CIDEB: variants seen among roughly 807,000 people sequenced by gnomAD.
CIDEB encodes cell death inducing DFFA like effector b, also known as lipid transferase CIDEB.
Under a neutral mutation model 22.4 loss-of-function variants are expected in CIDEB, and 27 were observed. The ratio of observed to expected loss-of-function variants is 1.21; its 90% CI spans 0.89 to 1.66. The LOEUF (loss-of-function observed/expected upper bound fraction) is 1.66, where lower values mean the gene tolerates loss of function less well. CIDEB is among the 40% of genes most tolerant of loss of function. CIDEB has a pLI of 0.00. For synonymous variants in CIDEB, 103 were observed against 109.5 expected (o/e 0.94, Z 0.37); for missense variants, 289 against 268.7 (o/e 1.08, Z -0.53).
chr14:24,306,076 C>T lies in CIDEB; in HGVS notation c.398G>A (p.Arg133Gln), dbSNP rs750018394. The T allele has an allele frequency of 1.9e-5, 31 of 1,614,034 alleles. No individual in the cohort carries two copies. The East Asian group carries it at 2.2e-4, about 12-fold the overall frequency. ...ERPKHSKDIA[R>Q]FTFDVYKQNP... ...TTGCTTGTACACGTCAAAGGTGAATCGGGCGATGTCCTTGCTGTGCTTGGG... is the reference window on the plus strand; with the variant it reads ...TTGCTTGTACACGTCAAAGGTGAATTGGGCGATGTCCTTGCTGTGCTTGGG... The change falls in exon 4 of 5, where the codon CGA becomes CAA. Residue 133 changes from arginine (R) to glutamine (Q), a missense_variant. Transcript: ENST00000554411.
chr14:24,306,607 C>G, intron 2 of CIDEB, 84 bp from the exon 3 acceptor site: 1 of 1,570,254 alleles, frequency 6.4e-7, no homozygotes, highest in South Asian at 1.1e-5. Flanking sequence ...TCAGTTGGCT[C>G]TAGACATTGG....
Position 24,306,131 on chromosome 14 carries a change from C to T in CIDEB, c.343G>A (p.Val115Met). ...TCCCGTCCCAGGCCATATGACAGCA[C>T]TCCACTCTGTAGGACACCCTTGTCA... ...GQSWSPTRSG[V>M]LSYGLGRERP... is the part of the protein sequence containing the mutation. The change falls in exon 4 of 5, where the codon GTG becomes ATG. Residue 115 changes from valine (V) to methionine (M), a missense_variant. By Grantham distance (21) the Val-to-Met change is conservative. Transcript: ENST00000554411. 5 of 1,613,454 alleles carry T rather than the reference C, an allele frequency of 3.1e-6. No homozygotes were observed. Among genetic ancestry groups the T allele is most frequent in the Non-Finnish European group, 4.2e-6 (5 of 1,179,682 alleles).
At position 24,307,879 on chromosome 14, in the gene CIDEB, C is replaced by T. The variant is rs1478921001; in HGVS notation, c.-21G>A. ...TCCATGGTGGACCGGAGAGTTCCTT[C>T]CCTGGAACTTCTGGGCTGGGTGGTT... On this transcript the variant is annotated 5_prime_UTR_variant, in exon 1 of 5. Coordinates refer to ENST00000554411, the MANE Select transcript of CIDEB (RefSeq NM_001393339.1). The T allele has an allele frequency of 1.9e-6, 3 of 1,577,282 alleles. No individual in the cohort carries two copies. The highest frequency in any genetic ancestry group is 2.6e-6 in the Non-Finnish European group (3 of 1,160,266).
upstream of CIDEB, chr14:24,310,624 G>C (rs758907529): frequency 6.0e-5 from 96 of 1,606,536 alleles, no homozygotes; most frequent in Non-Finnish European, 8.1e-5. Flanking sequence ...ACCCCTGAAC[G>C]CCCTCTGTGG....
rs2041472285 is a variant in CIDEB at position 24,305,571 on chromosome 14, G to A, written c.*62C>T. 2 of 1,550,954 alleles carry A rather than the reference G, an allele frequency of 1.3e-6. No individual in the cohort carries two copies. The highest frequency in any genetic ancestry group is 4.0e-5 in the Admixed American group (2 of 50,368). On this transcript the variant is annotated 3_prime_UTR_variant, in exon 5 of 5. Coordinates refer to ENST00000554411, the MANE Select transcript of CIDEB (RefSeq NM_001393339.1). The stretch of plus-strand genomic sequence containing the variant: ...CTGTCTGCAGGTCCTGAAATTTGAT[G>A]CTGTCATAGTCTTTGCAGTGGGTCG...
chr14:24,310,912 C>T (rs755992705), upstream of CIDEB: 1 of 1,589,198 alleles, frequency 6.3e-7, no homozygotes, highest in Non-Finnish European at 8.5e-7. Context: ...GCCTTCCTGA[C>T]CCGGCAGGCC....
Position 24,305,780 on chromosome 14 carries a change from C to T in CIDEB, c.528-15G>A, listed in dbSNP as rs756827920. On this transcript the variant is annotated splice_polypyrimidine_tract_variant and intron_variant, in intron 4 of 4. Coordinates refer to ENST00000554411, the MANE Select transcript of CIDEB (RefSeq NM_001393339.1). ...GAAGGAGCTCCCTGAATGGCAGAGA[C>T]AAGAGGAAATCAGATGATTTGGAAA... is the stretch of plus-strand genomic sequence containing the variant. 3 of 1,610,986 alleles carry T rather than the reference C, an allele frequency of 1.9e-6. No homozygotes were observed. Among genetic ancestry groups the T allele is most frequent in the South Asian group, 1.1e-5 (1 of 90,614 alleles).
upstream of CIDEB, chr14:24,310,560 TAAG>T (rs777392831): frequency 1.4e-5 from 17 of 1,227,092 alleles, no homozygotes; most frequent in South Asian, 3.6e-5. Context: ...TGCAGGGAAG[TAAG>T]GAGGAGGCAT....
chr14:24,311,024 C>T (rs1232418464), upstream of CIDEB: 4 of 1,583,504 alleles, frequency 2.5e-6, no homozygotes, highest in Non-Finnish European at 1.7e-6. Flanking sequence ...TGCAGCGCTG[C>T]CTCGCAGTCA....
chr14:24,306,596 A>G, intron 2 of CIDEB, 73 bp from the exon 3 acceptor site: 4 of 1,590,662 alleles, frequency 2.5e-6, no homozygotes, highest in Non-Finnish European at 3.4e-6. Context: ...CCCAACATCC[A>G]TCAGTTGGCT....
chr14:24,310,995 C>T, upstream of CIDEB: 17 of 1,588,530 alleles, frequency 1.1e-5, no homozygotes, highest in East Asian at 2.3e-5. Flanking sequence ...CAGCGTGCTG[C>T]TCACCGGCCT....
chr14:24,311,334 C>T (rs1566423785), upstream of CIDEB: 2 of 1,602,608 alleles, frequency 1.2e-6, no homozygotes, highest in East Asian at 2.2e-5. Flanking sequence ...GCGGGTGGGC[C>T]GGCTGGTGAG....
chr14:24,306,890 A>G (rs986361563), intron 2 of CIDEB: 2 of 322,182 alleles, frequency 6.2e-6, no homozygotes, highest in African/African-American at 4.2e-5. Flanking sequence ...AAGTGTTTTC[A>G]GTAATAGTGT....
Position 24,307,444 on chromosome 14 carries a change from A to G in CIDEB, c.113T>C (p.Phe38Ser). The G allele has an allele frequency of 6.2e-7, 1 of 1,613,942 alleles. No individual in the cohort carries two copies. The highest frequency in any genetic ancestry group is 8.5e-7 in the Non-Finnish European group (1 of 1,179,972). Residue 38 changes from phenylalanine (F) to serine (S), a missense_variant, in exon 2 of 5, where the codon TTC (phenylalanine) becomes TCC (serine). Transcript: ENST00000554411. The part of the protein sequence containing the change: ...WTSAPPPQRP[F>S]RVCDHKRTIR... ...GGTCCGCTTGTGATCACAGACACGG[A>G]AAGGTCGCTGGGGTGGTGGAGCTGA... is the stretch of plus-strand genomic sequence containing the variant.
At position 24,305,699 on chromosome 14, in the gene CIDEB, G is replaced by A. The variant is rs1287811600; in HGVS notation, c.594C>T (p.Ser198=). The change falls in exon 5 of 5, where the codon TCC becomes TCT. Residue 198 remains serine (S), a synonymous_variant. Transcript: ENST00000554411. ...CCCCCTCCACTGCATGACGAAGGGT[G>A]GAGGAAATTCCCAGCAACATATGGC... ...GLGHMLLGIS[S]TLRHAVEGAE... is the part of the protein sequence containing the mutation. 6.2e-7 allele frequency: 1 copy of A among 1,614,212 alleles called. No individual in the cohort carries two copies. Among genetic ancestry groups the A allele is most frequent in the South Asian group, 1.1e-5 (1 of 91,082 alleles).
At chr14:24,307,244 C>T in intron 2 of CIDEB, 127 bp downstream of exon 2, 1 of 1,066,010 alleles carries the variant, frequency 9.4e-7, no homozygotes, top group Non-Finnish European at 1.4e-6. Context: ...CACTCCGCTG[C>T]TTTTAGCCCT....
chr14:24,306,269 A>G (rs952268799), intron 3 of CIDEB, 105 bp downstream of exon 3: 3 of 1,545,900 alleles, frequency 1.9e-6, no homozygotes, highest in Admixed American at 3.4e-5. Flanking sequence ...CAATTCCACA[A>G]CTCCTCCTGC....
rs768036452 is a variant in CIDEB, at chr14:24,306,017, T to A, written c.457A>T (p.Lys153Ter). ...GAGTAGAGCCCGTAGAATGTGGCTT[T>A]GACATTCAGGCTGCCAAAGAGGTCT... ...PRDLFGSLNVKATFYGLYSMS... is the reference protein window; with the variant it reads ...PRDLFGSLNV The change falls in exon 4 of 5, where the codon AAA (lysine) becomes TAA (stop). Residue 153 changes from lysine (K) to a stop codon, truncating the protein, a stop_gained. Coordinates refer to ENST00000554411, the MANE Select transcript of CIDEB (RefSeq NM_001393339.1). LOFTEE classifies it high-confidence loss of function. The A allele has an allele frequency of 5.5e-5, 89 of 1,614,046 alleles. No individual in the cohort carries two copies. Among genetic ancestry groups the A allele is most frequent in the Admixed American group, 1.3e-4 (8 of 60,006 alleles).
At chr14:24,306,652 A>G in intron 2 of CIDEB, 129 bp from the exon 3 acceptor site, 2 of 1,149,936 alleles carry the variant, frequency 1.7e-6, no homozygotes, top group East Asian at 2.5e-5. Context: ...GCACTTTGAT[A>G]CCTCCTAAAG....
Sources: gnomAD v4.1 joint callset for allele counts on GRCh38, gnomAD v4.1.1 for gene constraint, MANE v1.5 for transcripts, NCBI Gene and HGNC (gene_info 2026-07-23, HGNC 2026-07-21) for gene names.